RBFOX1: variants seen among roughly 807,000 people sequenced by gnomAD.
The protein encoded by RBFOX1 is RNA binding fox-1 homolog 1.
In RBFOX1, 8 loss-of-function variants were observed where a neutral mutation model predicts 57.7. That is an observed-to-expected ratio of 0.14 (90% CI 0.08 to 0.25). The LOEUF (loss-of-function observed/expected upper bound fraction) is 0.25. Ranked by LOEUF, RBFOX1 falls within the 10% of genes least tolerant of loss-of-function variation. The probability of loss-of-function intolerance (pLI) is 1.00; values close to 1 mark genes in which losing one functional copy is unlikely to be tolerated. For synonymous variants in RBFOX1, 326 were observed against 222.4 expected (o/e 1.47, Z -4.15); for missense variants, 611 against 548.5 (o/e 1.11, Z -1.14).
At chr16:6,947,920 G>T (rs1357033806) in intron 3 of RBFOX1, among the ~76,000 whole-genome samples, 2 of 152,030 alleles carry the variant, frequency 1.3e-5, no homozygotes, top group East Asian at 3.9e-4. Flanking sequence ...GGGATTACAG[G>T]CTCAACCCAC....
intron 2 of RBFOX1, among the ~76,000 whole-genome samples, chr16:5,597,709 T>G (rs780344173): frequency 6.6e-6 from 1 of 152,182 alleles, no homozygotes. Flanking sequence ...CTGACACTTT[T>G]GAGGCAGGAG....
chr16:6,213,604 A>G lies in RBFOX1; in HGVS notation c.-126-103391A>G, dbSNP rs58139560. Among the ~76,000 whole-genome samples, 961 of 152,316 alleles carry G rather than the reference A, an allele frequency of 6.3e-3. 12 individuals carry two copies. Among genetic ancestry groups the G allele is most frequent in the African/African-American group, 0.022 (918 of 41,572 alleles). On this transcript the variant is annotated intron_variant, in intron 1 of 15. Transcript: ENST00000550418. ...GTCATGCCAATTGTTTATAACATGTATTTAAGCCGTGTATGAACCTGGGAG... is the reference window on the plus strand; with the variant it reads ...GTCATGCCAATTGTTTATAACATGTGTTTAAGCCGTGTATGAACCTGGGAG...
Position 5,846,379 on chromosome 16 carries a change from G to T in RBFOX1, c.319-20924G>T, listed in dbSNP as rs1364761692. On this transcript the variant is annotated intron_variant, in intron 3 of 19. Coordinates refer to the RBFOX1 transcript ENST00000641259. ...ATAATGGGGAAAGGTGTAGGGAAAGGAAGGTAACTTCTATTACAGCATGTT... is the reference window on the plus strand; with the variant it reads ...ATAATGGGGAAAGGTGTAGGGAAAGTAAGGTAACTTCTATTACAGCATGTT... 4.0e-5 allele frequency among the ~76,000 whole-genome samples: 6 copies of T among 150,168 alleles called. No homozygotes were observed. In the East Asian group the frequency reaches 1.2e-3, roughly 30 times the overall value.
chr16:5,746,241 A>C (rs1374021065), intron 3 of RBFOX1, among the ~76,000 whole-genome samples: 3 of 152,150 alleles, frequency 2.0e-5, no homozygotes, highest in Non-Finnish European at 4.4e-5. Flanking sequence ...CAAAGATCAG[A>C]TGGTTGTAGA....
intron 2 of RBFOX1, among the ~76,000 whole-genome samples, chr16:6,487,752 T>TATAAA (rs1567406083): frequency 2.9e-5 from 3 of 102,040 alleles, no homozygotes; most frequent in East Asian, 7.1e-4. Flanking sequence ...TATATATATA[T>TATAAA]ATAAAATATT....
At chr16:7,455,009 A>C (rs1375144920) in intron 4 of RBFOX1, among the ~76,000 whole-genome samples, 1 of 152,176 alleles carries the variant, frequency 6.6e-6, no homozygotes, top group Admixed American at 6.5e-5. Context: ...TCATGGGTTC[A>C]TTTATTGATT....
chr16:6,906,181 T>A (rs982782291), intron 3 of RBFOX1, among the ~76,000 whole-genome samples: 1 of 151,764 alleles, frequency 6.6e-6, no homozygotes, highest in African/African-American at 2.4e-5. Context: ...AGAGAAAACG[T>A]CGAAGCAGAT....
chr16:6,865,169 A>G (rs567817695), intron 3 of RBFOX1, among the ~76,000 whole-genome samples: 3 of 151,522 alleles, frequency 2.0e-5, no homozygotes, highest in Admixed American at 2.0e-4. Context: ...CTCCTGGGTA[A>G]TTTTTGTACT....
chr16:7,426,255 A>G (rs764053256), intron 4 of RBFOX1, among the ~76,000 whole-genome samples: 3 of 152,158 alleles, frequency 2.0e-5, no homozygotes, highest in Non-Finnish European at 4.4e-5. Flanking sequence ...TTTCTGCTTG[A>G]CAGTGATCCT....
intron 1 of RBFOX1, among the ~76,000 whole-genome samples, chr16:6,155,300 C>G (rs544898558): frequency 1.8e-4 from 27 of 152,166 alleles, no homozygotes; most frequent in Admixed American, 7.9e-4. Context: ...CAAGAGACAA[C>G]AGGGCAATTC....
At chr16:6,822,653 C>T (rs1275024912) in intron 3 of RBFOX1, among the ~76,000 whole-genome samples, 1 of 152,238 alleles carries the variant, frequency 6.6e-6, no homozygotes, top group East Asian at 1.9e-4. Context: ...TTAGACAACC[C>T]CATGCTAATT....
chr16:7,271,821 G>GAA, intron 4 of RBFOX1, among the ~76,000 whole-genome samples: 1 of 145,322 alleles, frequency 6.9e-6, no homozygotes, highest in Admixed American at 6.9e-5. Flanking sequence ...TTTCACTCAG[G>GAA]AAAAAAAAAA....
chr16:5,732,745 G>A lies in RBFOX1; in HGVS notation c.318+133784G>A, dbSNP rs138431112. On this transcript the variant is annotated intron_variant, in intron 3 of 19. Transcript: ENST00000641259. ...ATTATTTACTACAAGTCACTTAAGT[G>A]TGAGATTCTCCCAGGTCCTAGGGGA... Among the ~76,000 whole-genome samples, 42 of 152,274 alleles carry A rather than the reference G, an allele frequency of 2.8e-4. No homozygotes were observed. The East Asian group carries it at 7.7e-3, about 28-fold the overall frequency.
intron 4 of RBFOX1, among the ~76,000 whole-genome samples, chr16:7,415,328 T>C (rs964797392): frequency 6.6e-6 from 1 of 152,314 alleles, no homozygotes; most frequent in South Asian, 2.1e-4. Context: ...ATCTTCTGCC[T>C]GTGGAACCAG....
At chr16:6,850,134 G>C (rs927807940) in intron 3 of RBFOX1, among the ~76,000 whole-genome samples, 1 of 152,160 alleles carries the variant, frequency 6.6e-6, no homozygotes, top group Non-Finnish European at 1.5e-5. Context: ...AAACTTACAA[G>C]TTCCTGCACC....
intron 1 of RBFOX1, among the ~76,000 whole-genome samples, chr16:5,362,878 G>C (rs561765167): frequency 1.3e-5 from 2 of 152,016 alleles, no homozygotes; most frequent in Non-Finnish European, 2.9e-5. Context: ...CTTTTTTCAA[G>C]CTAAATAATG....
chr16:5,878,572 TCTC>T (rs1597609520), intron 4 of RBFOX1, among the ~76,000 whole-genome samples: 1 of 152,284 alleles, frequency 6.6e-6, no homozygotes, highest in East Asian at 1.9e-4. Context: ...AACGCAATCT[TCTC>T]CTGATAAATG....
chr16:5,270,035 C>T (rs1310714965), intron 1 of RBFOX1: 1 of 170,248 alleles, frequency 5.9e-6, no homozygotes, highest in Non-Finnish European at 1.2e-5. Context: ...TGGCTCACAC[C>T]TGTGATCCCA....
rs116602981 is a variant in RBFOX1 at position 7,157,241 on chromosome 16, G to T, written c.27+105143G>T. Among the ~76,000 whole-genome samples, 202 of 152,288 alleles carry T rather than the reference G, an allele frequency of 1.3e-3. 1 individual carries two copies. Among genetic ancestry groups the T allele is most frequent in the African/African-American group, 4.6e-3 (193 of 41,558 alleles). On this transcript the variant is annotated intron_variant, in intron 4 of 15. Transcript: ENST00000550418. ...TGTGTGCATTGGCTGGCAGCTGCCT[G>T]CCATGAATGCTACCCAGGCTCTCAA... is the stretch of plus-strand genomic sequence containing the variant.
Sources: gnomAD v4.1 joint callset for allele counts (sites outside exome capture counted in the v4.1 genomes callset) on GRCh38, gnomAD v4.1.1 for gene constraint, MANE v1.5 for transcripts, NCBI Gene and HGNC (gene_info 2026-07-23, HGNC 2026-07-21) for gene names.